The following CPVL variants were observed in gnomAD, a reference collection of about 807,000 sequenced individuals.
CPVL encodes carboxypeptidase vitellogenic like.
Under a neutral mutation model 63.7 loss-of-function variants are expected in CPVL, and 51 were observed. That is an observed-to-expected ratio of 0.80 (90% CI 0.64 to 1.01). The LOEUF (loss-of-function observed/expected upper bound fraction) is 1.01, where lower values mean the gene tolerates loss of function less well. Ranked by LOEUF, CPVL falls within the 50% of genes least tolerant of loss-of-function variation. The pLI is 0.00. For missense variants in CPVL, 530 were observed against 573.1 expected (o/e 0.92, Z 0.77); for synonymous variants, 195 against 206.0 (o/e 0.95, Z 0.46).
Position 28,995,770 on chromosome 7 carries a change from G to C in CPVL, c.*2C>G, listed in dbSNP as rs1173302856. ...TCTGATGTTCTCTTTTGGGAAGGTA[G>C]TTTATCCAACATAAGGATCCCATCC... On this transcript the variant is annotated 3_prime_UTR_variant, in exon 13 of 13. Transcript: ENST00000265394. 1 of 1,549,466 alleles carries C rather than the reference G, an allele frequency of 6.5e-7. No individual in the cohort carries two copies. The highest frequency in any genetic ancestry group is 2.3e-5 in the East Asian group (1 of 43,842).
intron 5 of CPVL, among the ~76,000 whole-genome samples, chr7:29,172,863 C>T (rs1056147035): frequency 5.9e-5 from 9 of 151,634 alleles, no homozygotes; most frequent in African/African-American, 1.9e-4. Context: ...TGGATAAGGC[C>T]GAGTGTGGTA....
intron 12 of CPVL, among the ~76,000 whole-genome samples, chr7:29,005,891 T>C (rs1003219135): frequency 9.9e-5 from 15 of 152,236 alleles, no homozygotes; most frequent in Non-Finnish European, 2.2e-4. Flanking sequence ...TATCTAGCTT[T>C]ATGATCTACA....
chr7:29,015,244 TCCA>T (rs1208960280), intron 12 of CPVL, among the ~76,000 whole-genome samples: 1 of 152,104 alleles, frequency 6.6e-6, no homozygotes, highest in Non-Finnish European at 1.5e-5. Flanking sequence ...AAATATTCTG[TCCA>T]CCACCACCAC....
Position 29,096,198 on chromosome 7 carries a change from G to A in CPVL, c.308C>T (p.Pro103Leu). 1 of 1,613,924 alleles carries A rather than the reference G, an allele frequency of 6.2e-7. No individual in the cohort carries two copies. Among genetic ancestry groups the A allele is most frequent in the South Asian group, 1.1e-5 (1 of 91,082 alleles). ...FPAQIQPEDA[P>L]VVLWLQGGPG... ...CCCACCCTGTAGCCAGAGAACTACT[G>A]GGGCATCTTCTGGCTGTATCTAGAG... is the stretch of plus-strand genomic sequence containing the variant. Residue 103 changes from proline (P) to leucine (L), a missense_variant, in exon 4 of 13, where the codon CCA (proline) becomes CTA (leucine). By Grantham distance (98) the Pro-to-Leu change is moderately conservative (BLOSUM62 -3). Coordinates refer to ENST00000265394, the MANE Select transcript of CPVL (RefSeq NM_031311.5).
rs756851642 is a variant in CPVL at position 29,002,985 on chromosome 7, ACATTC to A, written c.1321-7108_1321-7104del. On this transcript the variant is annotated intron_variant, in intron 12 of 12. Transcript: ENST00000265394. ...AATGGGGCAAAAGAAACAAATAGTA[ACATTC>A]AGAGATACTGACTGAAAAATTTCCA... 8.4e-4 allele frequency among the ~76,000 whole-genome samples: 128 copies of A among 151,890 alleles called. No individual in the cohort carries two copies. The East Asian group carries it at 0.02, about 24-fold the overall frequency.
chr7:29,152,725 G>A (rs1439759921), intron 5 of CPVL, among the ~76,000 whole-genome samples: 1 of 152,212 alleles, frequency 6.6e-6, no homozygotes, highest in Non-Finnish European at 1.5e-5. Flanking sequence ...CTCTGAGACG[G>A]TTGGAAGAGT....
chr7:29,030,481 T>C, intron 12 of CPVL, 96 bp downstream of exon 12: 1 of 1,194,518 alleles, frequency 8.4e-7, no homozygotes, highest in South Asian at 1.5e-5. Flanking sequence ...TGTATGGCTT[T>C]GCTTAAGGTC....
chr7:29,121,635 G>C (rs753092281), intron 1 of CPVL, among the ~76,000 whole-genome samples: 1 of 152,198 alleles, frequency 6.6e-6, no homozygotes, highest in Non-Finnish European at 1.5e-5. Context: ...CCTTATCCAA[G>C]TTGGATATGG....
intron 1 of CPVL, chr7:29,122,571 C>A (rs980132598): frequency 6.6e-6 from 1 of 152,110 alleles, no homozygotes; most frequent in Non-Finnish European, 1.5e-5. Flanking sequence ...GATTCAGAAG[C>A]CTGACTAAAA....
At chr7:29,168,919 G>A (rs115970206) in intron 5 of CPVL, among the ~76,000 whole-genome samples, 217 of 152,000 alleles carry the variant, frequency 1.4e-3, no homozygotes, top group African/African-American at 5.1e-3. Flanking sequence ...ATTTCTATTC[G>A]CCATGTTTTA....
intron 1 of CPVL, among the ~76,000 whole-genome samples, chr7:29,135,344 T>C (rs540134194): frequency 6.6e-6 from 1 of 152,074 alleles, no homozygotes; most frequent in Admixed American, 6.5e-5. Flanking sequence ...GATTTTTTTT[T>C]TTTTTGAGAC....
chr7:29,158,185 G>A (rs1440153462), intron 5 of CPVL, among the ~76,000 whole-genome samples: 1 of 152,164 alleles, frequency 6.6e-6, no homozygotes, highest in African/African-American at 2.4e-5. Flanking sequence ...ATTAAGAAGA[G>A]CATGAGTTCC....
intron 7 of CPVL, among the ~76,000 whole-genome samples, chr7:29,083,011 G>C (rs1465972739): frequency 6.6e-6 from 1 of 152,138 alleles, no homozygotes; most frequent in Non-Finnish European, 1.5e-5. Flanking sequence ...ACCTGGCTCT[G>C]AAATTGGTTA....
chr7:29,072,850 A>G (rs1262357156), intron 7 of CPVL, among the ~76,000 whole-genome samples: 6 of 152,242 alleles, frequency 3.9e-5, no homozygotes, highest in African/African-American at 1.4e-4. Flanking sequence ...AACATGTACT[A>G]AAGGAATAGG....
chr7:29,132,891 T>C (rs778139218), intron 1 of CPVL, among the ~76,000 whole-genome samples: 6 of 152,202 alleles, frequency 3.9e-5, no homozygotes, highest in Non-Finnish European at 7.3e-5. Context: ...GTTAATAGTA[T>C]CAGCTTCATC....
intron 3 of CPVL, among the ~76,000 whole-genome samples, chr7:29,185,118 A>C (rs80353084): frequency 2.5e-4 from 38 of 152,274 alleles, no homozygotes; most frequent in African/African-American, 8.4e-4. Flanking sequence ...CTGTGGTGTG[A>C]AGTATTTCTC....
At chr7:29,123,590 T>G (rs1789588784) in intron 1 of CPVL, among the ~76,000 whole-genome samples, 1 of 92,138 alleles carries the variant, frequency 1.1e-5, no homozygotes, top group Non-Finnish European at 1.9e-5. Flanking sequence ...ACTCTCTAAC[T>G]GGTTCAGAAA....
chr7:29,112,614 TA>T, intron 3 of CPVL, 89 bp downstream of exon 3: 1 of 768,090 alleles, frequency 1.3e-6, no homozygotes. Context: ...GATTTTTTTT[TA>T]AAGACCTGTA....
At chr7:29,166,797 A>C (rs1227271149) in intron 5 of CPVL, among the ~76,000 whole-genome samples, 1 of 152,032 alleles carries the variant, frequency 6.6e-6, no homozygotes, top group Non-Finnish European at 1.5e-5. Context: ...TGATCTCAAA[A>C]AACCAGTTTT....
Sources: gnomAD v4.1 joint callset for allele counts (sites outside exome capture counted in the v4.1 genomes callset) on GRCh38, gnomAD v4.1.1 for gene constraint, MANE v1.5 for transcripts, NCBI Gene and HGNC (gene_info 2026-07-23, HGNC 2026-07-21) for gene names.